The following ASIC2 variants were observed in gnomAD, a reference collection of about 807,000 sequenced individuals.
The protein encoded by ASIC2 is acid-sensing ion channel 2.
In ASIC2, 25 loss-of-function variants were observed where a neutral mutation model predicts 57.3. The observed-to-expected ratio is 0.44, with a 90% CI of 0.32 to 0.61. The LOEUF is 0.61. Among genes scored for constraint, ASIC2 ranks in the 20% least tolerant of loss-of-function variants. ASIC2 has a pLI of 0.06. For synonymous variants in ASIC2, 319 were observed against 307.5 expected (o/e 1.04, Z -0.39); for missense variants, 641 against 738.1 (o/e 0.87, Z 1.52).
intron 1 of ASIC2, among the ~76,000 whole-genome samples, chr17:33,122,317 G>A (rs191487444): frequency 7.2e-5 from 11 of 152,214 alleles, no homozygotes; most frequent in African/African-American, 2.2e-4. Flanking sequence ...TGCCACGTTC[G>A]GTGGAGCACA....
chr17:33,333,042 A>T (rs929223192), intron 1 of ASIC2, among the ~76,000 whole-genome samples: 6 of 152,238 alleles, frequency 3.9e-5, no homozygotes, highest in African/African-American at 1.4e-4. Flanking sequence ...AATCTACAAT[A>T]ATCAATCTCT....
chr17:33,574,803 G>A (rs1201529254), intron 1 of ASIC2, among the ~76,000 whole-genome samples: 1 of 151,718 alleles, frequency 6.6e-6, no homozygotes, highest in East Asian at 1.9e-4. Flanking sequence ...AAGATAGAAC[G>A]GCACATTTAT....
intron 1 of ASIC2, among the ~76,000 whole-genome samples, chr17:33,782,057 G>C (rs1911470912): frequency 6.6e-6 from 1 of 152,152 alleles, no homozygotes; most frequent in African/African-American, 2.4e-5. Context: ...ATATATTCCA[G>C]ATAGAAGTTC....
At chr17:34,087,216 T>C (rs1009700162) in intron 1 of ASIC2, among the ~76,000 whole-genome samples, 18 of 152,066 alleles carry the variant, frequency 1.2e-4, no homozygotes, top group Admixed American at 2.6e-4. Flanking sequence ...CCTTCAGGAG[T>C]TCTTTTAGGG....
chr17:33,558,230 C>G (rs1317269681), intron 1 of ASIC2, among the ~76,000 whole-genome samples: 1 of 152,046 alleles, frequency 6.6e-6, no homozygotes, highest in African/African-American at 2.4e-5. Context: ...ACCAGTCCGA[C>G]CCTGTGGGGC....
intron 1 of ASIC2, among the ~76,000 whole-genome samples, chr17:33,765,313 T>G (rs1279947171): frequency 6.6e-6 from 1 of 152,140 alleles, no homozygotes; most frequent in Non-Finnish European, 1.5e-5. Flanking sequence ...TTTCACCGTA[T>G]TAGCCAGGAT....
intron 1 of ASIC2, chr17:34,002,073 C>G (rs1367263098): frequency 6.6e-6 from 1 of 152,264 alleles, no homozygotes; most frequent in Admixed American, 6.5e-5. Flanking sequence ...TGATGCCATG[C>G]CTTCCAGGCA....
intron 1 of ASIC2, among the ~76,000 whole-genome samples, chr17:34,048,095 A>G (rs1270105936): frequency 1.3e-5 from 2 of 152,174 alleles, no homozygotes; most frequent in East Asian, 3.9e-4. Context: ...ACGGAAGCCC[A>G]TCCATTGGGA....
intron 1 of ASIC2, among the ~76,000 whole-genome samples, chr17:33,255,856 A>G (rs1451911614): frequency 1.3e-5 from 2 of 152,184 alleles, no homozygotes; most frequent in African/African-American, 4.8e-5. Context: ...TTTAATTTGG[A>G]AATTATCTTA....
chr17:33,402,132 C>G (rs1369088267), intron 1 of ASIC2, among the ~76,000 whole-genome samples: 1 of 152,156 alleles, frequency 6.6e-6, no homozygotes, highest in Non-Finnish European at 1.5e-5. Flanking sequence ...ACTGGGAAAG[C>G]TGCTGGTAGG....
intron 1 of ASIC2, among the ~76,000 whole-genome samples, chr17:33,348,877 G>T (rs911143072): frequency 1.2e-4 from 18 of 152,162 alleles, no homozygotes; most frequent in African/African-American, 3.9e-4. Context: ...CCCCAGCCCA[G>T]ACCACCGAGG....
chr17:33,569,025 G>C (rs1916342735), intron 1 of ASIC2: 1 of 152,200 alleles, frequency 6.6e-6, no homozygotes, highest in Non-Finnish European at 1.5e-5. Context: ...TCAGGTTATG[G>C]ACTGTTCAAC....
intron 1 of ASIC2, among the ~76,000 whole-genome samples, chr17:33,601,410 A>G (rs930613699): frequency 2.6e-5 from 4 of 152,092 alleles, no homozygotes; most frequent in African/African-American, 9.7e-5. Context: ...TGCTCCCCAC[A>G]TTTTGGCACA....
At chr17:33,353,813 A>G (rs1908273130) in intron 1 of ASIC2, among the ~76,000 whole-genome samples, 2 of 152,140 alleles carry the variant, frequency 1.3e-5, no homozygotes, top group East Asian at 3.9e-4. Flanking sequence ...ATCTTTAAAT[A>G]CATGTTCTTC....
intron 3 of ASIC2, among the ~76,000 whole-genome samples, chr17:33,058,059 G>A (rs1166115734): frequency 6.6e-6 from 1 of 152,092 alleles, no homozygotes; most frequent in East Asian, 1.9e-4. Context: ...AAAAAGGTAT[G>A]TATGCCAGAT....
intron 1 of ASIC2, among the ~76,000 whole-genome samples, chr17:33,330,590 G>A (rs63953): frequency 0.68 from 103,260 of 151,964 alleles, 35,672 homozygotes; most frequent in East Asian, 0.97. Context: ...CTAAATAAGA[G>A]GCTAAGCCAG....
At chr17:33,380,721 G>A (rs1211784736) in intron 1 of ASIC2, among the ~76,000 whole-genome samples, 1 of 152,196 alleles carries the variant, frequency 6.6e-6, no homozygotes. Context: ...ATTCCCCAAA[G>A]AGCCCTTGAA....
chr17:33,857,339 C>T lies in ASIC2; in HGVS notation c.555+298639G>A, dbSNP rs145736628. Among the ~76,000 whole-genome samples the T allele has an allele frequency of 2.3e-3, 353 of 152,180 alleles. 4 individuals carry two copies. The highest frequency in any genetic ancestry group is 8.1e-3 in the African/African-American group (337 of 41,514). On this transcript the variant is annotated intron_variant, in intron 1 of 9. Transcript: ENST00000359872. ...AGAATATAATTTACAGAAGGGGAAA[C>T]TGAGAAGGAGAAGAGCAGGTGAAAG...
intron 1 of ASIC2, among the ~76,000 whole-genome samples, chr17:33,560,463 C>T (rs557440772): frequency 6.6e-6 from 1 of 152,122 alleles, no homozygotes; most frequent in South Asian, 2.1e-4. Flanking sequence ...GGAAAATTGG[C>T]ATTTATGATA....
Sources: allele counts gnomAD v4.1 joint callset (sites outside exome capture counted in the v4.1 genomes callset), GRCh38; gene constraint gnomAD v4.1.1; transcripts MANE v1.5; gene names NCBI Gene and HGNC (gene_info 2026-07-23, HGNC 2026-07-21).